THSD7A: variants seen among roughly 807,000 people sequenced by gnomAD.
The protein encoded by THSD7A is thrombospondin type-1 domain-containing protein 7A.
Under a neutral mutation model 231.3 loss-of-function variants are expected in THSD7A, and 96 were observed. The observed-to-expected ratio is 0.41, with a 90% CI of 0.35 to 0.49. The LOEUF (loss-of-function observed/expected upper bound fraction) is 0.49, where lower values mean the gene tolerates loss of function less well. Ranked by LOEUF, THSD7A falls within the 20% of genes least tolerant of loss-of-function variation. The probability of loss-of-function intolerance (pLI) is 0.05; values close to 1 mark genes in which losing one functional copy is unlikely to be tolerated. For missense variants in THSD7A, 2,290 were observed against 2,070.2 expected (o/e 1.11, Z -2.06); for synonymous variants, 940 against 743.3 (o/e 1.26, Z -4.30).
intron 23 of THSD7A, among the ~76,000 whole-genome samples, chr7:11,386,087 G>T (rs540631558): frequency 6.6e-6 from 1 of 152,298 alleles, no homozygotes; most frequent in Non-Finnish European, 1.5e-5. Context: ...TGGTGTATAT[G>T]TGCCACATTT....
In THSD7A at chr7:11,636,457, C is replaced by A; in HGVS notation, c.695G>T (p.Cys232Phe). ...VAPPQFGGSG[C>F]PNLTEFQVCQ... ...CACCTGGAACTCCGTCAGGTTTGGA[C>A]AGCCAGAGCCTCCGAACTGCGGGGG... is the stretch of plus-strand genomic sequence containing the variant. The change falls in exon 2 of 28, where the codon TGT becomes TTT. Residue 232 changes from cysteine to phenylalanine, a missense_variant. Transcript: ENST00000423059. The surrounding 1 kb of genome is among the most constrained non-coding windows in gnomAD (Gnocchi z 10.0). The A allele has an allele frequency of 6.2e-7, 1 of 1,613,646 alleles. No homozygotes were observed. Among genetic ancestry groups the A allele is most frequent in the Non-Finnish European group, 8.5e-7 (1 of 1,179,796 alleles).
At chr7:11,617,548 C>G (rs1176487781) in intron 2 of THSD7A, among the ~76,000 whole-genome samples, 2 of 152,064 alleles carry the variant, frequency 1.3e-5, no homozygotes, top group African/African-American at 4.8e-5. Context: ...TAACGGAGAC[C>G]TAGGATAGAT....
chr7:11,655,220 T>C (rs1050808864), intron 1 of THSD7A, among the ~76,000 whole-genome samples: 2 of 150,824 alleles, frequency 1.3e-5, no homozygotes, highest in African/African-American at 4.9e-5. Context: ...AATAATTAAG[T>C]AAATTATGAT....
intron 15 of THSD7A, 152 bp from the exon 16 acceptor site, chr7:11,424,981 CAA>C: frequency 1.0e-6 from 1 of 959,230 alleles, no homozygotes; most frequent in Non-Finnish European, 1.5e-6. Context: ...AGAGAGAACT[CAA>C]GAGTTCTAGC....
At chr7:11,520,174 G>A (rs1426149150) in intron 6 of THSD7A, 1 of 152,150 alleles carries the variant, frequency 6.6e-6, no homozygotes, top group Non-Finnish European at 1.5e-5. Flanking sequence ...GATGTAATAT[G>A]GTGCTTGGAG....
chr7:11,465,375 T>C (rs531967086), intron 9 of THSD7A, among the ~76,000 whole-genome samples: 1 of 152,234 alleles, frequency 6.6e-6, no homozygotes, highest in South Asian at 2.1e-4. Context: ...CGTTTGTGCT[T>C]AAAAATGCCT....
intron 4 of THSD7A, among the ~76,000 whole-genome samples, chr7:11,586,936 T>A (rs1779933805): frequency 6.6e-6 from 1 of 152,248 alleles, no homozygotes; most frequent in Non-Finnish European, 1.5e-5. Context: ...ACAGACAATA[T>A]CCAGATTTTA....
chr7:11,717,846 T>A (rs1344816056), intron 1 of THSD7A, among the ~76,000 whole-genome samples: 2 of 151,624 alleles, frequency 1.3e-5, no homozygotes, highest in Non-Finnish European at 3.0e-5. Context: ...ATATCAATGA[T>A]CCAAGATATA....
At chr7:11,386,274 T>A (rs988043725) in intron 23 of THSD7A, among the ~76,000 whole-genome samples, 2 of 151,306 alleles carry the variant, frequency 1.3e-5, no homozygotes, top group Middle Eastern at 3.4e-3. Context: ...TGGTTCTAGA[T>A]CCTTGAGGAA....
intron 4 of THSD7A, among the ~76,000 whole-genome samples, chr7:11,549,777 T>C (rs148843605): frequency 1.3e-4 from 18 of 134,948 alleles, no homozygotes; most frequent in African/African-American, 4.3e-4. Flanking sequence ...TGGGGGAGTG[T>C]GGTTGGGGGG....
chr7:11,483,513 G>A (rs1019655340), intron 6 of THSD7A, among the ~76,000 whole-genome samples: 1 of 152,020 alleles, frequency 6.6e-6, no homozygotes, highest in African/African-American at 2.4e-5. Flanking sequence ...TATTGGTGTT[G>A]GGTTTTGGCA....
At chr7:11,579,528 T>C (rs1562739043) in intron 4 of THSD7A, among the ~76,000 whole-genome samples, 1 of 152,206 alleles carries the variant, frequency 6.6e-6, no homozygotes, top group Non-Finnish European at 1.5e-5. Context: ...TCAGGTTAGA[T>C]GACATTTTAT....
chr7:11,814,818 C>T lies in THSD7A; in HGVS notation c.190+16939G>A, dbSNP rs893643719. On this transcript the variant is annotated intron_variant, in intron 1 of 27. Coordinates refer to ENST00000423059, the MANE Select transcript of THSD7A (RefSeq NM_015204.3). The surrounding 1 kb of genome is among the most constrained non-coding windows in gnomAD (Gnocchi z 5.1). ...TCCCATTAGAGGTATGTAGTCACCA[C>T]AGCAAACTCTCAAAAGAAGCTGTTT... Among the ~76,000 whole-genome samples the T allele has an allele frequency of 2.6e-5, 4 of 152,140 alleles. No individual in the cohort carries two copies. Among genetic ancestry groups the T allele is most frequent in the Admixed American group, 2.6e-4 (4 of 15,272 alleles).
At chr7:11,766,992 C>G (rs1373256690) in intron 1 of THSD7A, among the ~76,000 whole-genome samples, 3 of 152,082 alleles carry the variant, frequency 2.0e-5, no homozygotes. Flanking sequence ...CTAGAAAATG[C>G]AAATTGAAAT....
At chr7:11,718,315 GCCTAA>G (rs976234027) in intron 1 of THSD7A, among the ~76,000 whole-genome samples, 2 of 151,542 alleles carry the variant, frequency 1.3e-5, no homozygotes, top group Non-Finnish European at 3.0e-5. Context: ...CACCCAAATT[GCCTAA>G]CCTGTCTACA....
intron 1 of THSD7A, among the ~76,000 whole-genome samples, chr7:11,675,562 G>T (rs1401969286): frequency 6.6e-6 from 1 of 152,174 alleles, no homozygotes; most frequent in Non-Finnish European, 1.5e-5. Context: ...GACCTGGGAT[G>T]CTCCAGCTTG....
chr7:11,454,057 G>C (rs562793314), intron 11 of THSD7A, among the ~76,000 whole-genome samples: 3 of 151,932 alleles, frequency 2.0e-5, no homozygotes, highest in Non-Finnish European at 4.4e-5. Flanking sequence ...ATACACTAGT[G>C]ACTTGAATAG....
At position 11,636,532 on chromosome 7, in the gene THSD7A, G is replaced by A; in HGVS notation, c.620C>T (p.Ser207Phe). 1 of 1,613,960 alleles carries A rather than the reference G, an allele frequency of 6.2e-7. No homozygotes were observed. Residue 207 changes from serine to phenylalanine, a missense_variant, in exon 2 of 28, where the codon TCC (serine) becomes TTC (phenylalanine). Coordinates refer to ENST00000423059, the MANE Select transcript of THSD7A (RefSeq NM_015204.3). This position sits in a 1 kb window ranked among gnomAD's most constrained non-coding sequence, Gnocchi z 10.0. ...VSEFSAWSEC[S>F]KTCGSGLQHR... ...CTGGAGCCCGCTGCCGCAGGTCTTG[G>A]AGCATTCGGACCAGGCAGAAAATTC...
intron 13 of THSD7A, among the ~76,000 whole-genome samples, chr7:11,436,584 G>A (rs1562607783): frequency 6.6e-6 from 1 of 151,848 alleles, no homozygotes; most frequent in Admixed American, 6.6e-5. Flanking sequence ...CATTTCACTG[G>A]ACTAGAGAAA....
Sources: allele counts gnomAD v4.1 joint callset (sites outside exome capture counted in the v4.1 genomes callset), GRCh38; gene constraint gnomAD v4.1.1; non-coding constraint Gnocchi (gnomAD v3.1); transcripts MANE v1.5; gene names NCBI Gene and HGNC (gene_info 2026-07-23, HGNC 2026-07-21).